The following RDH13 variants were observed in gnomAD, a reference collection of about 807,000 sequenced individuals.
The protein encoded by RDH13 is retinol dehydrogenase 13 (all-trans and 9-cis).
Under a neutral mutation model 28.3 loss-of-function variants are expected in RDH13, and 35 were observed. The ratio of observed to expected loss-of-function variants is 1.24; its 90% CI spans 0.95 to 1.64. RDH13 has a LOEUF of 1.64. Ranked by LOEUF, RDH13 falls within the 40% of genes most tolerant of loss-of-function variation. The probability of loss-of-function intolerance (pLI) is 0.00; values close to 1 mark genes in which losing one functional copy is unlikely to be tolerated. For synonymous variants in RDH13, 229 were observed against 198.5 expected (o/e 1.15, Z -1.29); for missense variants, 514 against 446.3 (o/e 1.15, Z -1.37).
At position 55,063,097 on chromosome 19, in the gene RDH13, T is replaced by C; in HGVS notation, c.-65A>G. 1 of 1,248,514 alleles carries C rather than the reference T, an allele frequency of 8.0e-7. No homozygotes were observed. Among genetic ancestry groups the C allele is most frequent in the Non-Finnish European group, 1.0e-6 (1 of 980,202 alleles). 77.3% of individuals were successfully genotyped at this position (1,248,514 alleles called of 1,614,324 possible). On this transcript the variant is annotated 5_prime_UTR_variant, in exon 1 of 7. Coordinates refer to ENST00000415061, the MANE Select transcript of RDH13 (RefSeq NM_001145971.2). ...CGGAGCTTGCTGCACACCAGCCGCC[T>C]GGGTAGCTCCGAGGAAGAGCGCGCG... is the stretch of plus-strand genomic sequence containing the variant.
chr19:55,052,023 T>C (rs2075456859), intron 3 of RDH13, among the ~76,000 whole-genome samples: 1 of 150,282 alleles, frequency 6.7e-6, no homozygotes, highest in Admixed American at 6.6e-5. Flanking sequence ...TGGGCCACAG[T>C]GCCTGGCCTG....
intron 3 of RDH13, among the ~76,000 whole-genome samples, chr19:55,052,864 G>C (rs549799344): frequency 4.6e-5 from 7 of 151,760 alleles, no homozygotes; most frequent in Non-Finnish European, 8.8e-5. Context: ...GGGTTTCACC[G>C]TGTTGGCCAG....
upstream of RDH13, among the ~76,000 whole-genome samples, chr19:55,066,459 C>CTG (rs1356878682): frequency 4.5e-5 from 5 of 111,744 alleles, no homozygotes; most frequent in Non-Finnish European, 6.4e-5. Context: ...CTCTCCCTCT[C>CTG]TCTTCCTCTC....
At chr19:55,052,713 G>A (rs1260054798) in intron 3 of RDH13, among the ~76,000 whole-genome samples, 2 of 149,878 alleles carry the variant, frequency 1.3e-5, no homozygotes, top group East Asian at 4.0e-4. Context: ...CCAGGCTGGA[G>A]TGCAGTGGCG....
upstream of RDH13, chr19:55,063,246 C>A: frequency 2.4e-6 from 1 of 411,868 alleles, no homozygotes. Context: ...AGCATCGGTC[C>A]TGAGCGCTGT....
At chr19:55,051,007 TAAAAAAAAAAAA>T (rs11318443) in intron 3 of RDH13, 2 of 126,292 alleles carry the variant, frequency 1.6e-5, no homozygotes, top group African/African-American at 6.0e-5. Context: ...TTACTCCTTG[TAAAAAAAAAAAA>T]AAAAAAAGGA....
At chr19:55,047,957 C>T in intron 5 of RDH13, 1 of 990,548 alleles carries the variant, frequency 1.0e-6, no homozygotes, top group Non-Finnish European at 1.4e-6. Flanking sequence ...TCCAGATGCC[C>T]AGAGCAATCT....
In RDH13 at chr19:55,048,475, T is replaced by C. The variant is rs201087566; in HGVS notation, c.512A>G (p.Asn171Ser). 2.2e-5 allele frequency: 36 copies of C among 1,614,142 alleles called. 1 individual carries two copies. The highest frequency in any genetic ancestry group is 2.1e-4 in the African/African-American group (16 of 75,020). Residue 171 changes from asparagine (N) to serine (S), a missense_variant, in exon 5 of 7, where the codon AAC (asparagine) becomes AGC (serine). Asn to Ser is a conservative substitution (Grantham distance 46, BLOSUM62 1). Coordinates refer to ENST00000415061, the MANE Select transcript of RDH13 (RefSeq NM_001145971.2). Reference sequence around the variant, plus strand: ...AGCAACATGGGCCAGGGACGAGAGGTTGATGATCCGCGAAGGGGCTGAGGC... The same window carrying C: ...AGCAACATGGGCCAGGGACGAGAGGCTGATGATCCGCGAAGGGGCTGAGGC... ...LKASAPSRII[N>S]LSSLAHVAGH...
chr19:55,059,201 T>G lies in RDH13; in HGVS notation c.140A>C (p.Asn47Thr), dbSNP rs769040588. 2 of 1,604,500 alleles carry G rather than the reference T, an allele frequency of 1.2e-6. No homozygotes were observed. Among genetic ancestry groups the G allele is most frequent in the African/African-American group, 2.7e-5 (2 of 74,778 alleles). The part of the protein sequence containing the change: ...PGKTVIVTGA[N>T]TGIGKQTALE... ...GGCGGTCTGCTTCCCGATGCCTGTG[T>G]TGGCACCCGTCACGATGACCGTCTT... The change falls in exon 2 of 7, where the codon AAC becomes ACC. Residue 47 changes from asparagine to threonine, a missense_variant. Coordinates refer to ENST00000415061, the MANE Select transcript of RDH13 (RefSeq NM_001145971.2).
intron 6 of RDH13, chr19:55,047,073 G>T: frequency 1.7e-6 from 2 of 1,209,726 alleles, no homozygotes; most frequent in Non-Finnish European, 2.1e-6. Flanking sequence ...TCCCCAGGAG[G>T]TGCAGCTGGT....
chr19:55,039,686 A>G (rs537588434), downstream of RDH13: 1 of 148,050 alleles, frequency 6.8e-6, no homozygotes, highest in East Asian at 2.0e-4. Context: ...AATACAAAAA[A>G]AAAATAGCCG....
chr19:55,049,619 G>A (rs928754184), intron 3 of RDH13, among the ~76,000 whole-genome samples: 2 of 152,142 alleles, frequency 1.3e-5, no homozygotes, highest in South Asian at 2.1e-4. Context: ...GAGAAACCGC[G>A]TCTTTACTAA....
upstream of RDH13, among the ~76,000 whole-genome samples, chr19:55,066,227 G>C (rs768292871): frequency 1.3e-5 from 2 of 152,142 alleles, no homozygotes; most frequent in African/African-American, 2.4e-5. Context: ...GGCTGTCCAC[G>C]CCTTTACCAT....
chr19:55,063,049 G>GCGTCAGT lies in RDH13; in HGVS notation c.-18_-17insACTGACG, dbSNP rs1488124499. On this transcript the variant is annotated 5_prime_UTR_variant, in exon 1 of 7. Transcript: ENST00000415061. ...GCGGCTCATGCCGGGCCGGGGACAGGCGTCAGGCGTCAGGGGTCGGCGCGG... is the reference window on the plus strand; with the variant it reads ...GCGGCTCATGCCGGGCCGGGGACAGGCGTCAGTCGTCAGGCGTCAGGGGTCGGCGCGG... 1 of 1,291,620 alleles carries GCGTCAGT rather than the reference G, an allele frequency of 7.7e-7. No individual in the cohort carries two copies. The highest frequency in any genetic ancestry group is 9.7e-7 in the Non-Finnish European group (1 of 1,027,806). The allele number at this position is 1,291,620 out of a possible 1,614,324, so 80.0% of individuals were successfully genotyped here. A position where few individuals can be genotyped will look rare whatever the true frequency, so the allele number is the denominator to read the frequency against.
At chr19:55,053,479 C>G in intron 3 of RDH13, among the ~76,000 whole-genome samples, 1 of 151,884 alleles carries the variant, frequency 6.6e-6, no homozygotes, top group South Asian at 2.1e-4. Context: ...CACGGTGAAA[C>G]CCCGTCTCTA....
chr19:55,064,564 G>A (rs1319654375), upstream of RDH13, among the ~76,000 whole-genome samples: 8 of 151,952 alleles, frequency 5.3e-5, no homozygotes, highest in African/African-American at 1.2e-4. Flanking sequence ...GGCTGCAGGG[G>A]GCTGGAGATG....
At chr19:55,064,787 A>C (rs1252030188), upstream of RDH13, among the ~76,000 whole-genome samples, 1 of 149,626 alleles carries the variant, frequency 6.7e-6, no homozygotes, top group Non-Finnish European at 1.5e-5. Flanking sequence ...TAATTTTTGT[A>C]TTTTTAGTAG....
chr19:55,048,882 G>A, intron 3 of RDH13, 119 bp from the exon 4 acceptor site: 1 of 896,784 alleles, frequency 1.1e-6, no homozygotes, highest in Non-Finnish European at 1.8e-6. Context: ...CGGAAACAGG[G>A]TCTGTGCCGA....
At chr19:55,067,019 T>C (rs1446560498), upstream of RDH13, among the ~76,000 whole-genome samples, 1 of 152,176 alleles carries the variant, frequency 6.6e-6, no homozygotes, top group Non-Finnish European at 1.5e-5. Flanking sequence ...ATATGATCCT[T>C]GTCTGAAGCC....
Sources: gnomAD v4.1 joint callset for allele counts (sites outside exome capture counted in the v4.1 genomes callset) on GRCh38, gnomAD v4.1.1 for gene constraint, MANE v1.5 for transcripts, NCBI Gene and HGNC (gene_info 2026-07-23, HGNC 2026-07-21) for gene names.